The following CNIH2 variants were observed in gnomAD, a reference collection of about 807,000 sequenced individuals.
The protein encoded by CNIH2 is protein cornichon homolog 2.
In CNIH2, 8 loss-of-function variants were observed where a neutral mutation model predicts 22.9. The observed-to-expected ratio is 0.35, with a 90% CI of 0.20 to 0.63. The LOEUF is 0.63. Ranked by LOEUF, CNIH2 falls within the 30% of genes least tolerant of loss-of-function variation. The probability of loss-of-function intolerance (pLI) is 0.72; values close to 1 mark genes in which losing one functional copy is unlikely to be tolerated. For synonymous variants in CNIH2, 74 were observed against 78.2 expected (o/e 0.95, Z 0.28); for missense variants, 105 against 206.2 (o/e 0.51, Z 3.01).
chr11:66,279,423 G>T (rs1235751778), intron 1 of CNIH2, among the ~76,000 whole-genome samples: 2 of 151,912 alleles, frequency 1.3e-5, no homozygotes, highest in African/African-American at 2.4e-5. Context: ...GGGGCCCCTG[G>T]CCCCACTTTA....
intron 1 of CNIH2, among the ~76,000 whole-genome samples, chr11:66,280,740 T>G (rs1174363413): frequency 6.6e-6 from 1 of 152,044 alleles, no homozygotes; most frequent in African/African-American, 2.4e-5. Context: ...CAAGTGGCGC[T>G]GCCCAGAGTC....
At chr11:66,280,825 T>C (rs544375141) in intron 1 of CNIH2, among the ~76,000 whole-genome samples, 4 of 152,188 alleles carry the variant, frequency 2.6e-5, no homozygotes, top group African/African-American at 7.2e-5. Flanking sequence ...GTTCTTTCTC[T>C]CTGAGCCGTC....
At chr11:66,281,810 G>A (rs1371408255) in intron 1 of CNIH2, among the ~76,000 whole-genome samples, 1 of 151,866 alleles carries the variant, frequency 6.6e-6, no homozygotes, top group Admixed American at 6.6e-5. Context: ...TCCGAGTCCA[G>A]CCTGAACTCC....
At chr11:66,282,585 T>C (rs555421822) in intron 2 of CNIH2, 148 bp from the exon 3 acceptor site, 23 of 985,468 alleles carry the variant, frequency 2.3e-5, no homozygotes, top group Non-Finnish European at 3.4e-5. Flanking sequence ...ACGGTCGCCA[T>C]GGGGACGGCG....
At chr11:66,282,692 T>C in intron 2 of CNIH2, 41 bp from the exon 3 acceptor site, 3 of 1,612,438 alleles carry the variant, frequency 1.9e-6, no homozygotes, top group Non-Finnish European at 2.5e-6. Context: ...CAGTACCTGC[T>C]TCTCCGCCAC....
chr11:66,282,365 CGTCT>C (rs751226651), intron 2 of CNIH2, 38 bp downstream of exon 2: 48 of 1,360,330 alleles, frequency 3.5e-5, no homozygotes, highest in Middle Eastern at 2.1e-4. Flanking sequence ...TGTGTCCGTC[CGTCT>C]GTCTTTCCAT....
chr11:66,280,159 A>G (rs1270839594), intron 1 of CNIH2, among the ~76,000 whole-genome samples: 1 of 152,184 alleles, frequency 6.6e-6, no homozygotes, highest in African/African-American at 2.4e-5. Context: ...GATGCTTCCC[A>G]AAGATCAGGC....
In CNIH2 at chr11:66,278,918, C is replaced by CG. The variant is rs1212234746; in HGVS notation, c.81+381_81+382insG. On this transcript the variant is annotated intron_variant, in intron 1 of 5. Coordinates refer to ENST00000311445, the MANE Select transcript of CNIH2 (RefSeq NM_182553.3). Reference sequence around the variant, plus strand: ...TCGGGCAGTTTGTCTGTCTGCTGCCCCCCCCCCCCCGCCTTTGTGGGTTTT... The same window carrying CG: ...TCGGGCAGTTTGTCTGTCTGCTGCCCGCCCCCCCCCCGCCTTTGTGGGTTTT... Among the ~76,000 whole-genome samples, 10 of 88,378 alleles carry CG rather than the reference C, an allele frequency of 1.1e-4. No homozygotes were observed. In the South Asian group the frequency reaches 1.6e-3, roughly 14 times the overall value. The allele number at this position is 88,378 out of a possible 152,430, so 58.0% of individuals were successfully genotyped here. A position where few individuals can be genotyped will look rare whatever the true frequency, so the allele number is the denominator to read the frequency against.
chr11:66,282,614 G>A, intron 2 of CNIH2, 119 bp from the exon 3 acceptor site: 1 of 1,233,466 alleles, frequency 8.1e-7, no homozygotes, highest in South Asian at 1.4e-5. Context: ...TCCCGGCCGT[G>A]CCGACAGTGC....
At chr11:66,279,883 C>T (rs1857233541) in intron 1 of CNIH2, among the ~76,000 whole-genome samples, 1 of 152,168 alleles carries the variant, frequency 6.6e-6, no homozygotes, top group Non-Finnish European at 1.5e-5. Flanking sequence ...GTCTTGGTTG[C>T]TTTGTCTTTC....
At position 66,278,365 on chromosome 11, in the gene CNIH2, G is replaced by A; in HGVS notation, c.-92G>A. 3.7e-5 allele frequency: 14 copies of A among 380,634 alleles called. No homozygotes were observed. The highest frequency in any genetic ancestry group is 5.0e-5 in the Non-Finnish European group (14 of 278,126). The allele number at this position is 380,634 out of a possible 1,614,324, so 23.6% of individuals were successfully genotyped here. ...ACGTCCCCCGAGCCCCACGGGCCAT[G>A]CCCGGCCGGCCCTAAGCGCGGGCCG... On this transcript the variant is annotated 5_prime_UTR_variant, in exon 1 of 6. The change abolishes an upstream ATG in the 5' untranslated region. Transcript: ENST00000311445.
At chr11:66,282,586 G>C (rs560968392) in intron 2 of CNIH2, 147 bp from the exon 3 acceptor site, 1 of 991,990 alleles carries the variant, frequency 1.0e-6, no homozygotes, top group Admixed American at 2.3e-5. Flanking sequence ...CGGTCGCCAT[G>C]GGGACGGCGC....
intron 2 of CNIH2, 96 bp downstream of exon 2, chr11:66,282,423 T>TCTGGGGGGGGGGGGGG: frequency 6.8e-6 from 1 of 147,072 alleles, no homozygotes; most frequent in Non-Finnish European, 1.3e-5. Context: ...GGGGGTGGGG[T>TCTGGGGGGGGGGGGGG]GGGGGGCCTA....
At chr11:66,278,689 C>A in intron 1 of CNIH2, 152 bp downstream of exon 1, 1 of 420,032 alleles carries the variant, frequency 2.4e-6, no homozygotes, top group Non-Finnish European at 3.9e-6. Flanking sequence ...TTAACACCCC[C>A]CGTGGTCGGC....
intron 1 of CNIH2, among the ~76,000 whole-genome samples, chr11:66,281,992 G>T (rs1374908208): frequency 6.6e-6 from 1 of 152,112 alleles, no homozygotes; most frequent in African/African-American, 2.4e-5. Context: ...AGACTTGGCA[G>T]GGCAGACACG....
chr11:66,279,335 C>G (rs1326012516), intron 1 of CNIH2, among the ~76,000 whole-genome samples: 2 of 152,078 alleles, frequency 1.3e-5, no homozygotes, highest in Non-Finnish European at 2.9e-5. Flanking sequence ...CCCTCCCGCT[C>G]CTCTCCTCCA....
intron 1 of CNIH2, among the ~76,000 whole-genome samples, chr11:66,278,923 C>CG (rs1351565912): frequency 9.6e-6 from 1 of 104,128 alleles, no homozygotes; most frequent in East Asian, 3.0e-4. Flanking sequence ...CTGCCCCCCC[C>CG]CCCCCGCCTT....
chr11:66,279,522 C>A (rs1857227360), intron 1 of CNIH2, among the ~76,000 whole-genome samples: 1 of 150,678 alleles, frequency 6.6e-6, no homozygotes, highest in East Asian at 2.0e-4. Flanking sequence ...AGCTCAGCAT[C>A]CTCTGCTCAC....
chr11:66,280,556 G>A (rs1448872307), intron 1 of CNIH2, among the ~76,000 whole-genome samples: 6 of 152,328 alleles, frequency 3.9e-5, no homozygotes, highest in Middle Eastern at 6.8e-3. Context: ...CAACCCTGGC[G>A]GTGAGTGACG....
Sources: gnomAD v4.1 joint callset for allele counts (sites outside exome capture counted in the v4.1 genomes callset) on GRCh38, gnomAD v4.1.1 for gene constraint, MANE v1.5 for transcripts, NCBI Gene and HGNC (gene_info 2026-07-23, HGNC 2026-07-21) for gene names.